The following ANKRD11 variants were observed in gnomAD, a reference collection of about 807,000 sequenced individuals.
The protein encoded by ANKRD11 is ankyrin repeat domain 11.
In ANKRD11, 17 loss-of-function variants were observed where a neutral mutation model predicts 195.7. The ratio of observed to expected loss-of-function variants is 0.09; its 90% CI spans 0.06 to 0.13. The LOEUF (loss-of-function observed/expected upper bound fraction) is 0.13, where lower values mean the gene tolerates loss of function less well. Ranked by LOEUF, ANKRD11 falls within the 10% of genes least tolerant of loss-of-function variation. The pLI is 1.00. For synonymous variants in ANKRD11, 1,953 were observed against 1,528.1 expected, an observed-to-expected ratio of 1.28 and a Z score of -6.49; for missense variants, 3,735 against 3,566.1, an observed-to-expected ratio of 1.05 and a Z score of -1.21.
At chr16:89,481,785 G>A (rs988528818) in intron 1 of ANKRD11, among the ~76,000 whole-genome samples, 28 of 152,028 alleles carry the variant, frequency 1.8e-4, no homozygotes, top group Non-Finnish European at 2.9e-5. Flanking sequence ...GACACGTCTG[G>A]CTGACATTCT....
chr16:89,316,992 G>A lies in ANKRD11; in HGVS notation c.28C>T (p.Pro10Ser), dbSNP rs1438147205. The part of the protein sequence containing the change: MPKGGCPKA[P>S]QQEELPLSSD... ...CTGAGGGGAAGCTCTTCCTGCTGTG[G>A]TGCTTTAGGGCACCCACCCTTGGGC... is the stretch of plus-strand genomic sequence containing the variant. Residue 10 changes from proline to serine, a missense_variant, in exon 3 of 13, where the codon CCA (proline) becomes TCA (serine). Transcript: ENST00000301030. 6.2e-7 allele frequency: 1 copy of A among 1,613,780 alleles called. No individual in the cohort carries two copies. The highest frequency in any genetic ancestry group is 8.5e-7 in the Non-Finnish European group (1 of 1,179,898).
intron 1 of ANKRD11, among the ~76,000 whole-genome samples, chr16:89,426,529 T>TCACTCA (rs1555574378): frequency 1.2e-4 from 17 of 142,258 alleles, no homozygotes; most frequent in African/African-American, 4.2e-4. Flanking sequence ...CACTTAAACA[T>TCACTCA]CACACACACA....
At chr16:89,489,201 G>A (rs1392695144) in intron 1 of ANKRD11, 1 of 144,850 alleles carries the variant, frequency 6.9e-6, no homozygotes, top group Non-Finnish European at 1.5e-5. Context: ...AATGTGGCAG[G>A]GCCAACCCTA....
At chr16:89,371,152 C>T (rs889573) in intron 2 of ANKRD11, among the ~76,000 whole-genome samples, 80,932 of 151,880 alleles carry the variant, frequency 0.53, 22,705 homozygotes, top group East Asian at 0.72. Context: ...TCAGGGTGCA[C>T]GTAAGTGGCT....
Position 89,285,719 on chromosome 16 carries a change from G to C in ANKRD11, c.893-70C>G. On this transcript the variant is annotated intron_variant, in intron 8 of 12. Coordinates refer to ENST00000301030, the MANE Select transcript of ANKRD11 (RefSeq NM_013275.6). The surrounding 1 kb of genome is among the most constrained non-coding windows in gnomAD (Gnocchi z 5.6). ...GCTCTCCCCAGAATGGCAGAGGAGG[G>C]AGGCTCTGCAGATGTGTCTGCGGGA... The C allele has an allele frequency of 6.5e-7, 1 of 1,531,002 alleles. No homozygotes were observed. Among genetic ancestry groups the C allele is most frequent in the Non-Finnish European group, 9.0e-7 (1 of 1,105,414 alleles). 94.8% of individuals were successfully genotyped at this position (1,531,002 alleles called of 1,614,324 possible).
chr16:89,413,275 G>T (rs541467099), intron 2 of ANKRD11, among the ~76,000 whole-genome samples: 32 of 152,100 alleles, frequency 2.1e-4, no homozygotes, highest in African/African-American at 6.5e-4. Context: ...ATATTTTTTT[G>T]ATAATAATGG....
chr16:89,384,760 G>A (rs1050538226), intron 2 of ANKRD11, among the ~76,000 whole-genome samples: 1 of 151,712 alleles, frequency 6.6e-6, no homozygotes, highest in African/African-American at 2.4e-5. Context: ...TTGGCAACCT[G>A]TATTTAGCAC....
intron 2 of ANKRD11, among the ~76,000 whole-genome samples, chr16:89,338,424 TAAAAA>T (rs397854933): frequency 7.9e-6 from 1 of 127,032 alleles, no homozygotes; most frequent in Admixed American, 7.9e-5. Context: ...TACACTCTGT[TAAAAA>T]AAAAAAAAAA....
In ANKRD11 at chr16:89,322,845, T is replaced by TTTTG. The variant is rs142804077; in HGVS notation, c.-59-5771_-59-5768dup. On this transcript the variant is annotated intron_variant, in intron 2 of 12. Coordinates refer to ENST00000301030, the MANE Select transcript of ANKRD11 (RefSeq NM_013275.6). ...TACCTTAGCTTTATCTGAAGAGTTC[T>TTTTG]TTTGTTTGTTTGTTTGTTTGTTTGA... is the stretch of plus-strand genomic sequence containing the variant. 4.6e-3 allele frequency among the ~76,000 whole-genome samples: 694 copies of TTTTG among 152,298 alleles called. 6 individuals are homozygous for TTTTG. Among genetic ancestry groups the TTTTG allele is most frequent in the African/African-American group, 0.015 (637 of 41,556 alleles).
intron 4 of ANKRD11, among the ~76,000 whole-genome samples, chr16:89,292,749 G>C (rs781251763): frequency 2.6e-5 from 4 of 152,204 alleles, no homozygotes; most frequent in Non-Finnish European, 5.9e-5. Flanking sequence ...ACGGTGGTTG[G>C]GGAGGCAGCC....
At chr16:89,319,236 C>T (rs529011750) in intron 2 of ANKRD11, among the ~76,000 whole-genome samples, 6 of 152,212 alleles carry the variant, frequency 3.9e-5, no homozygotes, top group African/African-American at 9.7e-5. Flanking sequence ...GGCCTCCGGA[C>T]GGTGTCTGGG....
intron 2 of ANKRD11, among the ~76,000 whole-genome samples, chr16:89,404,313 T>A (rs2041822613): frequency 6.6e-6 from 1 of 152,044 alleles, no homozygotes; most frequent in Non-Finnish European, 1.5e-5. Flanking sequence ...TCAACATCTG[T>A]GTAACTAAGG....
intron 2 of ANKRD11, among the ~76,000 whole-genome samples, chr16:89,332,035 C>T (rs796385983): frequency 2.6e-5 from 4 of 152,096 alleles, no homozygotes; most frequent in African/African-American, 9.6e-5. Flanking sequence ...GCCTCTAATC[C>T]CAGAACTTTG....
At chr16:89,469,929 C>T (rs2057017905) in intron 1 of ANKRD11, among the ~76,000 whole-genome samples, 1 of 102 alleles carries the variant, frequency 9.8e-3, no homozygotes, top group African/African-American at 0.033. Flanking sequence ...TTGTTTTTGA[C>T]GGAGCTCACT....
At chr16:89,478,522 T>C (rs1197935181) in intron 1 of ANKRD11, among the ~76,000 whole-genome samples, 1 of 152,148 alleles carries the variant, frequency 6.6e-6, no homozygotes, top group East Asian at 1.9e-4. Context: ...AAGGACCCAC[T>C]GCCCTCCAAA....
chr16:89,410,488 T>G (rs1181353789), intron 2 of ANKRD11, among the ~76,000 whole-genome samples: 1 of 152,148 alleles, frequency 6.6e-6, no homozygotes, highest in Non-Finnish European at 1.5e-5. Context: ...GAGCTGAGGC[T>G]GTCAGGAACC....
chr16:89,305,014 A>G, intron 4 of ANKRD11, 192 bp downstream of exon 4: 1 of 824,754 alleles, frequency 1.2e-6, no homozygotes, highest in Non-Finnish European at 1.8e-6. Flanking sequence ...CATGGGCCTG[A>G]GCCTCGGGTG....
At chr16:89,447,205 A>G (rs2043832428) in intron 1 of ANKRD11, among the ~76,000 whole-genome samples, 1 of 151,960 alleles carries the variant, frequency 6.6e-6, no homozygotes, top group South Asian at 2.1e-4. Flanking sequence ...ATTAGTACCA[A>G]AAGTTTAATC....
intron 2 of ANKRD11, among the ~76,000 whole-genome samples, chr16:89,326,101 G>A (rs1335937834): frequency 2.0e-5 from 3 of 152,242 alleles, no homozygotes. Context: ...AAGGCGCCAA[G>A]ATACAAACTA....
Sources: gnomAD v4.1 joint callset for allele counts (sites outside exome capture counted in the v4.1 genomes callset) on GRCh38, gnomAD v4.1.1 for gene constraint, Gnocchi (gnomAD v3.1) non-coding constraint, MANE v1.5 for transcripts, NCBI Gene and HGNC (gene_info 2026-07-23, HGNC 2026-07-21) for gene names.